The following APOOL variants were observed in gnomAD, a reference collection of about 807,000 sequenced individuals.
The protein encoded by APOOL is MICOS complex subunit MIC27.
Under a neutral mutation model 23.1 loss-of-function variants are expected in APOOL, and 12 were observed. The ratio of observed to expected loss-of-function variants is 0.52; its 90% CI spans 0.33 to 0.84. The LOEUF (loss-of-function observed/expected upper bound fraction) is 0.84. Ranked by LOEUF, APOOL falls within the 40% of genes least tolerant of loss-of-function variation. The pLI, the probability that APOOL is intolerant of heterozygous loss-of-function variation, is 0.02. For missense variants in APOOL, 212 were observed against 199.6 expected, an observed-to-expected ratio of 1.06 and a Z score of -0.37; for synonymous variants, 77 against 69.9, an observed-to-expected ratio of 1.10 and a Z score of -0.51.
intron 1 of APOOL, among the ~76,000 whole-genome samples, chrX:85,015,654 C>T (rs1477864598): frequency 4.6e-5 from 5 of 108,414 alleles, no homozygotes; most frequent in African/African-American, 1.3e-4. Context: ...CTGCAACCTC[C>T]GCCTCCCGGG....
chrX:85,047,626 T>C (rs1041344027), intron 2 of APOOL, among the ~76,000 whole-genome samples: 8 of 111,498 alleles, frequency 7.2e-5, no homozygotes, highest in African/African-American at 2.6e-4. Flanking sequence ...CTCATCCCAG[T>C]CTGTACTTAG....
At chrX:85,058,206 T>G (rs1419038001) in intron 5 of APOOL, among the ~76,000 whole-genome samples, 4 of 111,103 alleles carry the variant, frequency 3.6e-5, no homozygotes, top group Non-Finnish European at 5.7e-5. Flanking sequence ...TCAGCTATTT[T>G]TCCTGATGTT....
intron 8 of APOOL, among the ~76,000 whole-genome samples, chrX:85,081,212 T>C (rs1924086429): frequency 8.9e-6 from 1 of 111,856 alleles, no homozygotes; most frequent in African/African-American, 3.3e-5. Flanking sequence ...ATTTGGCATG[T>C]TTTTGCAGTG....
chrX:85,083,963 G>A (rs1199704222), intron 8 of APOOL, among the ~76,000 whole-genome samples: 3 of 110,606 alleles, frequency 2.7e-5, no homozygotes, highest in African/African-American at 9.9e-5. Context: ...GAGAGCAAAC[G>A]TATAAAATTG....
intron 1 of APOOL, among the ~76,000 whole-genome samples, chrX:85,025,615 G>A (rs1004801012): frequency 9.8e-5 from 11 of 112,376 alleles, no homozygotes; most frequent in Admixed American, 9.4e-4. Flanking sequence ...GGAGAAATCA[G>A]CTAAAATAAA....
chrX:85,048,729 G>T (rs1388415248), intron 2 of APOOL, among the ~76,000 whole-genome samples: 1 of 111,898 alleles, frequency 8.9e-6, no homozygotes, highest in African/African-American at 3.2e-5. Flanking sequence ...GAAGTGTTCT[G>T]GTTATTTGGT....
chrX:85,076,998 T>C (rs906672936), intron 8 of APOOL, among the ~76,000 whole-genome samples: 5 of 81,528 alleles, frequency 6.1e-5, no homozygotes, highest in African/African-American at 2.5e-4. Flanking sequence ...GCTAAACTTA[T>C]ATATATATAT....
At chrX:85,014,841 G>A (rs745494543) in intron 1 of APOOL, among the ~76,000 whole-genome samples, 5 of 109,535 alleles carry the variant, frequency 4.6e-5, no homozygotes, top group Non-Finnish European at 9.5e-5. Context: ...AGTTCTTTGA[G>A]CTTCTTTTAG....
chrX:85,031,538 T>C (rs1922038911), intron 1 of APOOL, among the ~76,000 whole-genome samples: 2 of 111,865 alleles, frequency 1.8e-5, no homozygotes, highest in Non-Finnish European at 3.8e-5. Flanking sequence ...AGAGATGTCT[T>C]TGAGTGAACT....
intron 4 of APOOL, 85 bp downstream of exon 4, chrX:85,054,483 C>T: frequency 1.2e-6 from 1 of 834,406 alleles, no homozygotes; most frequent in Non-Finnish European, 1.7e-6. Flanking sequence ...TGGTATGTTA[C>T]CCATTATCAT....
Position 85,092,396 on chromosome X carries a change from C to A in APOOL, c.*4718C>A, listed in dbSNP as rs746987868. ...GAGTTGTTACAAAGCCTCTTTCATTCTTCCCATGCCATGTCCAGGAGTTCT... is the reference window on the plus strand; with the variant it reads ...GAGTTGTTACAAAGCCTCTTTCATTATTCCCATGCCATGTCCAGGAGTTCT... On this transcript the variant is annotated 3_prime_UTR_variant, in exon 9 of 9. Transcript: ENST00000373173. The A allele has an allele frequency of 8.6e-7, 1 of 1,164,807 alleles. No individual in the cohort carries two copies. Among genetic ancestry groups the A allele is most frequent in the East Asian group, 3.2e-5 (1 of 30,871 alleles).
Position 85,046,965 on chromosome X carries a change from G to C in APOOL, c.120+415G>C, listed in dbSNP as rs139828030. On this transcript the variant is annotated intron_variant, in intron 2 of 8. Transcript: ENST00000373173. Reference sequence around the variant, plus strand: ...GTATGGTACTGTAATTCCCTCTATAGTAGGCACATTTAGTGGCCATATATC... The same window carrying C: ...GTATGGTACTGTAATTCCCTCTATACTAGGCACATTTAGTGGCCATATATC... 5.4e-5 allele frequency among the ~76,000 whole-genome samples: 6 copies of C among 111,223 alleles called. No individual in the cohort carries two copies. In the East Asian group the frequency reaches 1.7e-3, roughly 31 times the overall value.
At chrX:85,064,668 A>G (rs1923383380) in intron 5 of APOOL, among the ~76,000 whole-genome samples, 1 of 111,252 alleles carries the variant, frequency 9.0e-6, no homozygotes, top group Non-Finnish European at 1.9e-5. Flanking sequence ...AGCTTGTACA[A>G]TTTCCATGTA....
At chrX:85,008,641 A>G (rs1220383948) in intron 1 of APOOL, among the ~76,000 whole-genome samples, 2 of 106,028 alleles carry the variant, frequency 1.9e-5, no homozygotes, top group African/African-American at 3.5e-5. Flanking sequence ...GGTTGTTTTC[A>G]TGTTTTGGCT....
At chrX:85,044,270 G>GTGTGTGTATA in intron 1 of APOOL, among the ~76,000 whole-genome samples, 1 of 107,398 alleles carries the variant, frequency 9.3e-6, no homozygotes, top group South Asian at 4.3e-4. Flanking sequence ...GTGTGTGTGT[G>GTGTGTGTATA]TATATATATA....
At chrX:85,081,959 T>G (rs1405028343) in intron 8 of APOOL, among the ~76,000 whole-genome samples, 1 of 112,198 alleles carries the variant, frequency 8.9e-6, no homozygotes, top group Non-Finnish European at 1.9e-5. Context: ...ATTTAAGGTC[T>G]TCTCTACACT....
chrX:85,052,396 A>C (rs768739383), intron 3 of APOOL, among the ~76,000 whole-genome samples: 3 of 111,723 alleles, frequency 2.7e-5, no homozygotes, highest in South Asian at 3.7e-4. Flanking sequence ...CATTATCATC[A>C]CATAAACATC....
rs934861148 is a variant in APOOL at position 85,070,375 on chromosome X, G to C, written c.486+3157G>C. The stretch of plus-strand genomic sequence containing the variant: ...CATTTTGAAAATAGACTTCAAGATG[G>C]AATTACTCTTCGCTTTTTATAATTT... On this transcript the variant is annotated intron_variant, in intron 6 of 8. Coordinates refer to ENST00000373173, the MANE Select transcript of APOOL (RefSeq NM_198450.6). Among the ~76,000 whole-genome samples the C allele has an allele frequency of 3.6e-5, 4 of 111,238 alleles. No homozygotes were observed. The East Asian group carries it at 8.5e-4, about 24-fold the overall frequency.
rs1217663104 is a variant in APOOL, at chrX:85,088,185, C to CAT, written c.*509_*510dup. 5 of 23,774 alleles carry CAT rather than the reference C, an allele frequency of 2.1e-4. 1 individual carries two copies. Among genetic ancestry groups the CAT allele is most frequent in the African/African-American group, 5.7e-4 (4 of 6,958 alleles). 2.0% of individuals were successfully genotyped at this position (23,774 alleles called of 1,213,427 possible). ...ATATTTATACATATATGTATAAATACATACATATTTATACATATATATGTA... is the reference window on the plus strand; with the variant it reads ...ATATTTATACATATATGTATAAATACATATACATATTTATACATATATATGTA... On this transcript the variant is annotated 3_prime_UTR_variant, in exon 9 of 9. Transcript: ENST00000373173.
Sources: allele counts gnomAD v4.1 joint callset (sites outside exome capture counted in the v4.1 genomes callset), GRCh38; gene constraint gnomAD v4.1.1; transcripts MANE v1.5; gene names NCBI Gene and HGNC (gene_info 2026-07-23, HGNC 2026-07-21).